Variants in PGS1 observed in about 807,000 individuals in gnomAD.
PGS1 encodes the protein phosphatidylglycerophosphate synthase 1.
Under a neutral mutation model 58.3 loss-of-function variants are expected in PGS1, and 44 were observed. The ratio of observed to expected loss-of-function variants is 0.75; its 90% CI spans 0.59 to 0.97. PGS1 has a LOEUF of 0.97. Ranked by LOEUF, PGS1 falls within the 50% of genes least tolerant of loss-of-function variation. The pLI, the probability that PGS1 is intolerant of heterozygous loss-of-function variation, is 0.00. For synonymous variants in PGS1, 330 were observed against 311.0 expected (o/e 1.06, Z -0.64); for missense variants, 684 against 731.1 (o/e 0.94, Z 0.74).
intron 7 of PGS1, among the ~76,000 whole-genome samples, chr17:78,411,855 G>A (rs998302427): frequency 2.7e-5 from 4 of 146,906 alleles, no homozygotes; most frequent in East Asian, 4.1e-4. Context: ...GCTCCAGACC[G>A]CTCAGGCCTA....
chr17:78,405,428 C>A (rs960544922), intron 7 of PGS1, among the ~76,000 whole-genome samples: 1 of 152,082 alleles, frequency 6.6e-6, no homozygotes, highest in Non-Finnish European at 1.5e-5. Flanking sequence ...TGCCTTTTTT[C>A]CCCATAGCTG....
At position 78,424,221 on chromosome 17, in the gene PGS1, G is replaced by T. The variant is rs1264770003; in HGVS notation, c.*171G>T. The T allele has an allele frequency of 9.1e-6, 14 of 1,539,470 alleles. No individual in the cohort carries two copies. Among genetic ancestry groups the T allele is most frequent in the South Asian group, 1.2e-5 (1 of 81,422 alleles). On this transcript the variant is annotated 3_prime_UTR_variant, in exon 10 of 10. Transcript: ENST00000262764. ...AGTGAGGGAGGGGCTGGCAGGAAGG[G>T]TGGGGTCCTCACACTCCCCGCCCTC... is the stretch of plus-strand genomic sequence containing the variant.
At chr17:78,389,061 T>TC (rs1211731003) in intron 1 of PGS1, among the ~76,000 whole-genome samples, 4 of 146,060 alleles carry the variant, frequency 2.7e-5, no homozygotes, top group African/African-American at 7.7e-5. Context: ...TCCTTTTTTT[T>TC]TTTTTTTTTT....
intron 9 of PGS1, chr17:78,423,781 A>T: frequency 7.8e-7 from 1 of 1,277,364 alleles, no homozygotes; most frequent in Non-Finnish European, 1.1e-6. Flanking sequence ...GTTACAAAGC[A>T]CCTGATTATT....
At chr17:78,391,026 C>A (rs2082785794) in intron 1 of PGS1, among the ~76,000 whole-genome samples, 1 of 152,000 alleles carries the variant, frequency 6.6e-6, no homozygotes, top group South Asian at 2.1e-4. Flanking sequence ...CTGCAATCTC[C>A]GCCTCCCAGG....
In PGS1 at chr17:78,424,117, T is replaced by C; in HGVS notation, c.*67T>C. ...CGGGGTCAGCTCTTTCAGCCGCGCT[T>C]CAGCGATGACTCCAGTCTGGGTGTC... On this transcript the variant is annotated 3_prime_UTR_variant, in exon 10 of 10. Transcript: ENST00000262764. 6.2e-7 allele frequency: 1 copy of C among 1,613,554 alleles called. No homozygotes were observed. Among genetic ancestry groups the C allele is most frequent in the Non-Finnish European group, 8.5e-7 (1 of 1,179,852 alleles).
At chr17:78,392,868 G>C (rs953042687) in intron 2 of PGS1, among the ~76,000 whole-genome samples, 1 of 152,286 alleles carries the variant, frequency 6.6e-6, no homozygotes, top group Middle Eastern at 3.4e-3. Context: ...CGTCTCAGGT[G>C]GAGAAGCTCT....
chr17:78,407,412 A>G (rs1241903864), intron 7 of PGS1, among the ~76,000 whole-genome samples: 1 of 152,208 alleles, frequency 6.6e-6, no homozygotes, highest in East Asian at 1.9e-4. Flanking sequence ...AGCGTGTGTC[A>G]GGTGAGAGAT....
At chr17:78,381,821 T>C (rs141322168) in intron 1 of PGS1, among the ~76,000 whole-genome samples, 1,945 of 152,274 alleles carry the variant, frequency 0.013, 15 homozygotes, top group Non-Finnish European at 0.021. Context: ...TGTTAATGAT[T>C]TAGAAGCACT....
intron 9 of PGS1, chr17:78,420,947 G>A (rs1416249684): frequency 6.6e-6 from 1 of 152,158 alleles, no homozygotes; most frequent in Non-Finnish European, 1.5e-5. Context: ...TACCAAGAAT[G>A]TCTTAGTATC....
At chr17:78,395,639 G>A (rs370374513) in intron 2 of PGS1, among the ~76,000 whole-genome samples, 1 of 152,142 alleles carries the variant, frequency 6.6e-6, no homozygotes, top group Non-Finnish European at 1.5e-5. Flanking sequence ...TCATCTTGGG[G>A]CACTGATGTG....
chr17:78,410,445 A>G (rs1463749740), intron 7 of PGS1, among the ~76,000 whole-genome samples: 2 of 150,794 alleles, frequency 1.3e-5, no homozygotes, highest in African/African-American at 4.9e-5. Context: ...AAATAAAACA[A>G]AACCAAAACT....
chr17:78,381,167 G>A (rs376044066), intron 1 of PGS1: 1 of 152,226 alleles, frequency 6.6e-6, no homozygotes, highest in Admixed American at 6.6e-5. Flanking sequence ...TTGGTGGTGG[G>A]AGGGGCAGTG....
At chr17:78,387,977 C>G (rs1567943077) in intron 1 of PGS1, among the ~76,000 whole-genome samples, 1 of 152,202 alleles carries the variant, frequency 6.6e-6, no homozygotes. Flanking sequence ...GTGTAAAACA[C>G]TCAGCTCCTT....
chr17:78,380,420 T>G (rs995777811), intron 1 of PGS1, among the ~76,000 whole-genome samples: 3 of 152,178 alleles, frequency 2.0e-5, no homozygotes, highest in Admixed American at 1.3e-4. Context: ...AACTCAAGTT[T>G]GATTTAGGGG....
chr17:78,395,144 T>G (rs535843058), intron 2 of PGS1, among the ~76,000 whole-genome samples: 1 of 152,204 alleles, frequency 6.6e-6, no homozygotes, highest in Non-Finnish European at 1.5e-5. Context: ...GGGAGGACAG[T>G]GCTGGTTTCT....
chr17:78,398,288 C>A lies in PGS1; in HGVS notation c.448C>A (p.Gln150Lys). 1 of 1,613,994 alleles carries A rather than the reference C, an allele frequency of 6.2e-7. No individual in the cohort carries two copies. The highest frequency in any genetic ancestry group is 1.1e-5 in the South Asian group (1 of 91,080). The change falls in exon 4 of 10, where the codon CAA becomes AAA. Residue 150 changes from glutamine to lysine, a missense_variant. By Grantham distance (53) the Gln-to-Lys change is moderately conservative (BLOSUM62 1). Coordinates refer to ENST00000262764, the MANE Select transcript of PGS1 (RefSeq NM_024419.5). The part of the protein sequence containing the change: ...CLESTLEKSL[Q>K]AKFPSNLKVS... The stretch of plus-strand genomic sequence containing the variant: ...GGAAAGTACTCTAGAAAAGTCACTC[C>A]AAGCAAAGTTTCCTTCAAATCTCAA...
intron 8 of PGS1, among the ~76,000 whole-genome samples, chr17:78,418,819 A>G (rs1193353340): frequency 6.6e-6 from 1 of 152,138 alleles, no homozygotes; most frequent in Non-Finnish European, 1.5e-5. Flanking sequence ...CACAGATGTC[A>G]TTGGCACAAA....
intron 1 of PGS1, among the ~76,000 whole-genome samples, chr17:78,389,333 G>A (rs566957618): frequency 1.6e-4 from 24 of 151,722 alleles, no homozygotes; most frequent in Non-Finnish European, 3.2e-4. Context: ...CTACAGGTGT[G>A]TGCGCCACCA....
Sources: gnomAD v4.1 joint callset for allele counts (sites outside exome capture counted in the v4.1 genomes callset) on GRCh38, gnomAD v4.1.1 for gene constraint, MANE v1.5 for transcripts, NCBI Gene and HGNC (gene_info 2026-07-23, HGNC 2026-07-21) for gene names.